CMSS1: variants seen among roughly 807,000 people sequenced by gnomAD.
CMSS1 encodes protein CMSS1.
Under a neutral mutation model 43.5 loss-of-function variants are expected in CMSS1, and 33 were observed. That is an observed-to-expected ratio of 0.76 (90% confidence interval 0.57 to 1.01). The LOEUF (loss-of-function observed/expected upper bound fraction) is 1.01, where lower values mean the gene tolerates loss of function less well. Among genes scored for constraint, CMSS1 ranks in the 50% least tolerant of loss-of-function variants. The pLI is 0.00. For synonymous variants in CMSS1, 115 were observed against 117.2 expected, an observed-to-expected ratio of 0.98 and a Z score of 0.12; for missense variants, 313 against 326.4, an observed-to-expected ratio of 0.96 and a Z score of 0.32.
chr3:99,954,196 C>G (rs534123573), intron 1 of CMSS1, among the ~76,000 whole-genome samples: 85 of 152,350 alleles, frequency 5.6e-4, no homozygotes, highest in African/African-American at 2.0e-3. Flanking sequence ...GATCAGGAAG[C>G]TGAAGTCCAT....
intron 1 of CMSS1, among the ~76,000 whole-genome samples, chr3:99,950,621 G>A (rs1708147815): frequency 6.6e-6 from 1 of 152,162 alleles, no homozygotes; most frequent in Admixed American, 6.5e-5. Flanking sequence ...GCCCATGGCT[G>A]TATGACTATC....
chr3:100,031,374 G>A (rs754364042), intron 1 of CMSS1, among the ~76,000 whole-genome samples: 1 of 151,834 alleles, frequency 6.6e-6, no homozygotes, highest in Non-Finnish European at 1.5e-5. Context: ...TGTTACCCTC[G>A]TTTCCACTCA....
chr3:100,168,633 T>C (rs995211367), intron 6 of CMSS1, among the ~76,000 whole-genome samples: 2 of 152,072 alleles, frequency 1.3e-5, no homozygotes, highest in African/African-American at 2.4e-5. Context: ...CAAAAATGTA[T>C]ACCATATTCT....
intron 1 of CMSS1, among the ~76,000 whole-genome samples, chr3:99,918,511 C>G (rs1707025534): frequency 6.6e-6 from 1 of 152,082 alleles, no homozygotes; most frequent in African/African-American, 2.4e-5. Context: ...AAATTTAGTT[C>G]AGAAAACTAA....
At chr3:100,060,794 A>G (rs2065550185) in intron 1 of CMSS1, among the ~76,000 whole-genome samples, 1 of 152,158 alleles carries the variant, frequency 6.6e-6, no homozygotes, top group Admixed American at 6.5e-5. Flanking sequence ...TGGGAGGCGG[A>G]GGTTGCACTA....
chr3:99,891,137 G>A (rs1294401699), intron 1 of CMSS1, among the ~76,000 whole-genome samples: 3 of 151,726 alleles, frequency 2.0e-5, no homozygotes, highest in Admixed American at 2.0e-4. Flanking sequence ...TACCTTCTCA[G>A]TGGAGTTTAT....
At chr3:99,956,689 C>G (rs1193631063) in intron 1 of CMSS1, among the ~76,000 whole-genome samples, 2 of 152,214 alleles carry the variant, frequency 1.3e-5, no homozygotes, top group Non-Finnish European at 2.9e-5. Context: ...CCTCTTAAAT[C>G]TTGCCCATCA....
chr3:99,862,897 A>G (rs140359533), intron 1 of CMSS1, among the ~76,000 whole-genome samples: 147 of 152,276 alleles, frequency 9.7e-4, no homozygotes, highest in African/African-American at 3.2e-3. Flanking sequence ...CCAATATCCA[A>G]TGAAATGCCA....
intron 1 of CMSS1, chr3:100,075,768 G>T (rs528692505): frequency 6.6e-6 from 1 of 152,094 alleles, no homozygotes; most frequent in Non-Finnish European, 1.5e-5. Flanking sequence ...TAGTAACATC[G>T]TTGGACCTGA....
At chr3:99,940,028 C>G (rs1416194819) in intron 1 of CMSS1, among the ~76,000 whole-genome samples, 1 of 152,120 alleles carries the variant, frequency 6.6e-6, no homozygotes, top group African/African-American at 2.4e-5. Flanking sequence ...CTGATGAGGT[C>G]CAGTAGGGCA....
chr3:99,845,798 CTG>C (rs1356743023), intron 1 of CMSS1, among the ~76,000 whole-genome samples: 2 of 152,186 alleles, frequency 1.3e-5, no homozygotes, highest in African/African-American at 4.8e-5. Flanking sequence ...CGTTATTAAT[CTG>C]TCTCCTAAAA....
chr3:100,063,682 G>A (rs1333018757), intron 1 of CMSS1, among the ~76,000 whole-genome samples: 1 of 152,058 alleles, frequency 6.6e-6, no homozygotes, highest in Non-Finnish European at 1.5e-5. Context: ...TTTTTAACTG[G>A]TTAGTGAGTT....
intron 1 of CMSS1, among the ~76,000 whole-genome samples, chr3:99,947,262 A>G (rs762270897): frequency 3.3e-5 from 5 of 151,868 alleles, no homozygotes; most frequent in Non-Finnish European, 5.9e-5. Flanking sequence ...GACCTTTTGT[A>G]TAGTTTCCCA....
chr3:100,104,309 A>C (rs1374668887), intron 1 of CMSS1, among the ~76,000 whole-genome samples: 1 of 152,144 alleles, frequency 6.6e-6, no homozygotes, highest in Non-Finnish European at 1.5e-5. Flanking sequence ...TGGAATCAAG[A>C]CCAAGATGAC....
At chr3:99,818,905 TTCCA>T (rs1942377723) in intron 1 of CMSS1, among the ~76,000 whole-genome samples, 1 of 152,220 alleles carries the variant, frequency 6.6e-6, no homozygotes, top group South Asian at 2.1e-4. Flanking sequence ...ACTTTTTAAG[TTCCA>T]TCACACCTAC....
chr3:99,993,346 T>A (rs1164463151), intron 1 of CMSS1, among the ~76,000 whole-genome samples: 1 of 152,044 alleles, frequency 6.6e-6, no homozygotes, highest in Non-Finnish European at 1.5e-5. Context: ...GGAACTTCAC[T>A]AGTTCATTTG....
chr3:100,116,378 T>C (rs772117808), intron 1 of CMSS1, among the ~76,000 whole-genome samples: 23 of 152,226 alleles, frequency 1.5e-4, no homozygotes, highest in Non-Finnish European at 3.1e-4. Flanking sequence ...ATATCATTAT[T>C]TATTTTAATG....
intron 1 of CMSS1, among the ~76,000 whole-genome samples, chr3:99,963,541 T>A (rs1245906700): frequency 6.6e-6 from 1 of 152,154 alleles, no homozygotes; most frequent in East Asian, 1.9e-4. Context: ...GCGGGATATT[T>A]ACATTTTGTG....
chr3:100,149,361 CT>C (rs2066882783), intron 2 of CMSS1, among the ~76,000 whole-genome samples: 1 of 152,138 alleles, frequency 6.6e-6, no homozygotes, highest in Non-Finnish European at 1.5e-5. Flanking sequence ...GTTGCTTTCA[CT>C]TTCCTTTTTA....
Sources: gnomAD v4.1 joint callset for allele counts (sites outside exome capture counted in the v4.1 genomes callset) on GRCh38, gnomAD v4.1.1 for gene constraint, MANE v1.5 for transcripts, NCBI Gene and HGNC (gene_info 2026-07-23, HGNC 2026-07-21) for gene names.